PPFIA2: variants seen among roughly 807,000 people sequenced by gnomAD.
PPFIA2 encodes PPFI scaffold protein A2.
A neutral mutation model predicts 175.5 loss-of-function variants in PPFIA2; 46 were observed. The ratio of observed to expected loss-of-function variants is 0.26; its 90% CI spans 0.21 to 0.34. The LOEUF (loss-of-function observed/expected upper bound fraction) is 0.34, where lower values mean the gene tolerates loss of function less well. Ranked by LOEUF, PPFIA2 falls within the 10% of genes least tolerant of loss-of-function variation. The probability of loss-of-function intolerance (pLI) is 1.00; values close to 1 mark genes in which losing one functional copy is unlikely to be tolerated. For missense variants in PPFIA2, 1,179 were observed against 1,506.1 expected, an observed-to-expected ratio of 0.78 and a Z score of 3.60; for synonymous variants, 568 against 511.4, an observed-to-expected ratio of 1.11 and a Z score of -1.49.
intron 28 of PPFIA2, among the ~76,000 whole-genome samples, chr12:81,273,390 AT>A (rs1264020886): frequency 6.6e-6 from 1 of 151,900 alleles, no homozygotes; most frequent in Non-Finnish European, 1.5e-5. Flanking sequence ...CAGTTTTACT[AT>A]TTCCTTACAT....
At chr12:81,566,604 T>C (rs1266336145) in intron 4 of PPFIA2, among the ~76,000 whole-genome samples, 1 of 150,148 alleles carries the variant, frequency 6.7e-6, no homozygotes, top group Non-Finnish European at 1.5e-5. Flanking sequence ...GTATGAAAAG[T>C]GTCTTTATCA....
At chr12:81,712,867 C>G (rs1051920330) in intron 3 of PPFIA2, among the ~76,000 whole-genome samples, 21 of 150,172 alleles carry the variant, frequency 1.4e-4, no homozygotes, top group Middle Eastern at 3.4e-3. Flanking sequence ...TTTAAATGTT[C>G]TGATATTTTC....
At chr12:81,758,964 C>G (rs888919138) in intron 1 of PPFIA2, among the ~76,000 whole-genome samples, 2 of 152,258 alleles carry the variant, frequency 1.3e-5, no homozygotes, top group East Asian at 3.9e-4. Context: ...CACCCAGTCT[C>G]CCCTCCTGGA....
chr12:81,550,448 C>T (rs750453474), intron 4 of PPFIA2, among the ~76,000 whole-genome samples: 43 of 151,710 alleles, frequency 2.8e-4, no homozygotes, highest in Admixed American at 6.6e-4. Flanking sequence ...TGTATAGAAG[C>T]GATGTGATCC....
intron 4 of PPFIA2, among the ~76,000 whole-genome samples, chr12:81,584,971 TTA>T (rs1235698024): frequency 7.7e-5 from 8 of 103,612 alleles, no homozygotes; most frequent in Non-Finnish European, 5.5e-5. Flanking sequence ...ATATAATATA[TTA>T]TATATTAATT....
chr12:81,719,113 T>C (rs188939283), intron 3 of PPFIA2, among the ~76,000 whole-genome samples: 54 of 151,778 alleles, frequency 3.6e-4, no homozygotes, highest in Admixed American at 3.0e-3. Flanking sequence ...ACATTGCATA[T>C]GAATTCCCAT....
Position 81,268,022 on chromosome 12 carries a change from C to T in PPFIA2, c.3376G>A (p.Ala1126Thr). Residue 1126 changes from alanine to threonine, a missense_variant, in exon 29 of 33, where the codon GCA becomes ACA. By Grantham distance (58) the Ala-to-Thr change is moderately conservative. Around this residue, in one of 10 missense-constraint regions of PPFIA2, gnomAD observed 245 missense variants for 375.1 expected, o/e 0.65. Coordinates refer to ENST00000549396, the MANE Select transcript of PPFIA2 (RefSeq NM_003625.5). ...WIQAIGLREY[A>T]NNILESGVHG... is the part of the protein sequence containing the mutation. ...ACACCGCTCTCAAGTATATTATTTG[C>T]ATATTCTCGAAGTCCAATTGCTTGT... 6.3e-7 allele frequency: 1 copy of T among 1,596,156 alleles called. No individual in the cohort carries two copies. The highest frequency in any genetic ancestry group is 8.5e-7 in the Non-Finnish European group (1 of 1,170,216).
At chr12:81,405,344 A>G (rs1407352834) in intron 8 of PPFIA2, among the ~76,000 whole-genome samples, 1 of 152,108 alleles carries the variant, frequency 6.6e-6, no homozygotes, top group Admixed American at 6.6e-5. Flanking sequence ...ATAAACAACA[A>G]ATAAGTTACC....
chr12:81,714,094 G>A lies in PPFIA2; in HGVS notation c.250-37250C>T, dbSNP rs76304800. On this transcript the variant is annotated intron_variant, in intron 3 of 32. Transcript: ENST00000549396. ...ACCATCCAGGGGACCAGCGTAATTG[G>A]AGAAAAGAAAACAAAGAGGTAAGTA... Among the ~76,000 whole-genome samples the A allele has an allele frequency of 2.4e-3, 361 of 151,194 alleles. 5 individuals carry two copies. The highest frequency in any genetic ancestry group is 8.5e-3 in the African/African-American group (351 of 41,500).
intron 8 of PPFIA2, among the ~76,000 whole-genome samples, chr12:81,398,663 C>G (rs762468294): frequency 1.3e-5 from 2 of 151,980 alleles, no homozygotes; most frequent in Non-Finnish European, 2.9e-5. Flanking sequence ...GACCCGTAGC[C>G]GCTTTGTTAA....
At chr12:81,744,623 A>G (rs2082803202) in intron 3 of PPFIA2, among the ~76,000 whole-genome samples, 1 of 151,988 alleles carries the variant, frequency 6.6e-6, no homozygotes, top group South Asian at 2.1e-4. Flanking sequence ...ACGTGGTTTC[A>G]CCATGTTGGC....
chr12:81,293,480 T>G (rs2045599794), intron 24 of PPFIA2, among the ~76,000 whole-genome samples: 1 of 144,510 alleles, frequency 6.9e-6, no homozygotes, highest in African/African-American at 2.4e-5. Flanking sequence ...TTACAGAAAC[T>G]TCTTAAGAAA....
At chr12:81,326,086 A>C (rs1216125547) in intron 21 of PPFIA2, among the ~76,000 whole-genome samples, 3 of 152,170 alleles carry the variant, frequency 2.0e-5, no homozygotes, top group Non-Finnish European at 4.4e-5. Flanking sequence ...ATGGGGATAT[A>C]ATTTGTTGCA....
chr12:81,509,627 CCT>C (rs1815961275), intron 4 of PPFIA2, among the ~76,000 whole-genome samples: 1 of 148,082 alleles, frequency 6.8e-6, no homozygotes, highest in Admixed American at 6.7e-5. Flanking sequence ...GCTCTTGATT[CCT>C]GACTTCCTCT....
chr12:81,472,563 CTTGCCAG>C (rs1176685063), intron 4 of PPFIA2: 1 of 152,158 alleles, frequency 6.6e-6, no homozygotes, highest in Non-Finnish European at 1.5e-5. Context: ...AATTTCTGGA[CTTGCCAG>C]ACTAAGGGCC....
rs777865220 is a variant in PPFIA2, at chr12:81,519,580, G to A, written c.304-61714C>T. ...ATCTTTGACTGTTTACAGTGATGTCGCTTCCGCTACTATAATGAACCATTA... is the reference window on the plus strand; with the variant it reads ...ATCTTTGACTGTTTACAGTGATGTCACTTCCGCTACTATAATGAACCATTA... On this transcript the variant is annotated intron_variant, in intron 4 of 32. Transcript: ENST00000549396. 5.3e-5 allele frequency among the ~76,000 whole-genome samples: 8 copies of A among 152,166 alleles called. No individual in the cohort carries two copies. In the South Asian group the frequency reaches 6.2e-4, roughly 12 times the overall value.
intron 22 of PPFIA2, among the ~76,000 whole-genome samples, chr12:81,310,758 A>G (rs1316955737): frequency 6.6e-6 from 1 of 152,146 alleles, no homozygotes; most frequent in Non-Finnish European, 1.5e-5. Context: ...ACCTTACTAG[A>G]GCTTTTCTTA....
intron 3 of PPFIA2, among the ~76,000 whole-genome samples, chr12:81,724,229 T>G (rs1369112646): frequency 6.6e-6 from 1 of 151,014 alleles, no homozygotes; most frequent in East Asian, 1.9e-4. Flanking sequence ...CAAATAACAT[T>G]GTGTTATGCC....
intron 4 of PPFIA2, among the ~76,000 whole-genome samples, chr12:81,593,233 T>C (rs1253888321): frequency 6.6e-6 from 1 of 152,124 alleles, no homozygotes; most frequent in Non-Finnish European, 1.5e-5. Context: ...AAAGAGGTAT[T>C]AAAAATCCTC....
Sources: gnomAD v4.1 joint callset for allele counts (sites outside exome capture counted in the v4.1 genomes callset) on GRCh38, gnomAD v4.1.1 for gene constraint, gnomAD v4.1.1 regional missense constraint, MANE v1.5 for transcripts, NCBI Gene and HGNC (gene_info 2026-07-23, HGNC 2026-07-21) for gene names.